TFIP11: variants seen among roughly 807,000 people sequenced by gnomAD.
TFIP11 encodes the protein tuftelin interacting protein 11.
A neutral mutation model predicts 96.8 loss-of-function variants in TFIP11; 86 were observed. That is an observed-to-expected ratio of 0.89 (90% CI 0.75 to 1.06). The LOEUF (loss-of-function observed/expected upper bound fraction) is 1.06, where lower values mean the gene tolerates loss of function less well. Among genes scored for constraint, TFIP11 ranks in the 50% least tolerant of loss-of-function variants. TFIP11 has a pLI of 0.00. For missense variants in TFIP11, 881 were observed against 1,076.7 expected, an observed-to-expected ratio of 0.82 and a Z score of 2.54; for synonymous variants, 405 against 395.2, an observed-to-expected ratio of 1.02 and a Z score of -0.29.
chr22:26,505,455 A>G (rs1443089425), intron 6 of TFIP11, among the ~76,000 whole-genome samples: 1 of 152,136 alleles, frequency 6.6e-6, no homozygotes, highest in Non-Finnish European at 1.5e-5. Flanking sequence ...ACAAAATTAA[A>G]ACCCTTGTGA....
Position 26,501,963 on chromosome 22 carries a change from C to CA in TFIP11, c.737dup (p.Leu246PhefsTer8), listed in dbSNP as rs1922851810. 1.2e-6 allele frequency: 2 copies of CA among 1,613,886 alleles called. No individual in the cohort carries two copies. ...TCTTGCTAATCCTGCCCTTGGCCTT[C>CA]AACTCTTCCACGGTCTTGTAAGAGT... On this transcript the variant is annotated frameshift_variant, in exon 8 of 15. Transcript: ENST00000407690. LOFTEE classifies it high-confidence loss of function.
chr22:26,506,217 G>A (rs1430782176), intron 6 of TFIP11, 86 bp downstream of exon 6: 29 of 1,421,024 alleles, frequency 2.0e-5, no homozygotes, highest in Non-Finnish European at 2.7e-5. Context: ...GCTTTTAAAA[G>A]GGAAAAGCAA....
In TFIP11 at chr22:26,496,753, C is replaced by T. The variant is rs748553174; in HGVS notation, c.1573G>A (p.Asp525Asn). Residue 525 changes from aspartate (D) to asparagine (N), a missense_variant, in exon 11 of 15, where the codon GAC becomes AAC. Transcript: ENST00000407690. ...TGCAGCTTGGGGAAGATGAGTTGGT[C>T]CAGTATGTTATCTAAGATCCACACA... is the stretch of plus-strand genomic sequence containing the variant. ...IPVWILDNIL[D>N]QLIFPKLQKE... The T allele has an allele frequency of 9.3e-6, 15 of 1,612,890 alleles. 1 individual carries two copies. The South Asian group carries it at 1.5e-4, about 17-fold the overall frequency.
chr22:26,502,192 G>A, intron 7 of TFIP11, 140 bp from the exon 8 acceptor site: 2 of 988,408 alleles, frequency 2.0e-6, no homozygotes, highest in Non-Finnish European at 3.0e-6. Context: ...AGGAAAGGAT[G>A]CACCTGCAAG....
chr22:26,493,813 T>C (rs1173450721), intron 14 of TFIP11: 2 of 290,996 alleles, frequency 6.9e-6, no homozygotes, highest in Non-Finnish European at 1.3e-5. Context: ...CTAAGCAGCA[T>C]GCTCAGGCAT....
chr22:26,503,568 CA>C, intron 7 of TFIP11, 97 bp downstream of exon 7: 1 of 1,488,880 alleles, frequency 6.7e-7, no homozygotes, highest in South Asian at 1.2e-5. Context: ...GGTACATGTA[CA>C]ATAAACATCT....
At position 26,491,578 on chromosome 22, in the gene TFIP11, A is replaced by G. The variant is rs941195752; in HGVS notation, c.*435T>C. ...CAAAAGCTAGAACAGCTCTCCATAG[A>G]TATTTGGGAGTTTCGGGAAGAACCA... On this transcript the variant is annotated 3_prime_UTR_variant, in exon 15 of 15. Transcript: ENST00000407690. 5.0e-6 allele frequency: 8 copies of G among 1,614,036 alleles called. No individual in the cohort carries two copies. Among genetic ancestry groups the G allele is most frequent in the Middle Eastern group, 1.6e-4 (1 of 6,084 alleles).
intron 13 of TFIP11, 69 bp downstream of exon 13, chr22:26,494,728 C>T (rs1921699341): frequency 6.2e-7 from 1 of 1,601,886 alleles, no homozygotes; most frequent in Non-Finnish European, 8.5e-7. Flanking sequence ...ACAGTCAGGC[C>T]TTGGCAGAAA....
chr22:26,497,653 G>A (rs1007746982), intron 10 of TFIP11, among the ~76,000 whole-genome samples: 1 of 152,172 alleles, frequency 6.6e-6, no homozygotes. Flanking sequence ...CAAGGCAGGC[G>A]GATCACGAGG....
intron 13 of TFIP11, 128 bp downstream of exon 13, chr22:26,494,669 C>T (rs1921692461): frequency 7.5e-7 from 1 of 1,333,746 alleles, no homozygotes. Context: ...GATGACCTAA[C>T]TCATTCCTAC....
rs1233822716 is a variant in TFIP11, at chr22:26,492,387, G to A, written c.2159-19C>T. ...TAGGCACCTAAGATACAGGAGGACA[G>A]GGCGGTGAGGAGAGGTGTTTCCAGG... is the stretch of plus-strand genomic sequence containing the variant. On this transcript the variant is annotated intron_variant, in intron 14 of 14. Transcript: ENST00000407690. 3.1e-6 allele frequency: 5 copies of A among 1,610,022 alleles called. No homozygotes were observed. Among genetic ancestry groups the A allele is most frequent in the African/African-American group, 1.3e-5 (1 of 74,858 alleles).
Position 26,491,532 on chromosome 22 carries a change from T to G in TFIP11, c.*481A>C, listed in dbSNP as rs753203410. On this transcript the variant is annotated 3_prime_UTR_variant, in exon 15 of 15. Transcript: ENST00000407690. ...ATACATGGACATATTTAATGATACC[T>G]CTGTCCACTGGTTCCCTGTGCAAAA... 1.2e-6 allele frequency: 2 copies of G among 1,614,172 alleles called. No individual in the cohort carries two copies. The highest frequency in any genetic ancestry group is 2.2e-5 in the South Asian group (2 of 91,082).
At chr22:26,495,020 G>GT in intron 12 of TFIP11, 81 bp from the exon 13 acceptor site, 1 of 1,575,884 alleles carries the variant, frequency 6.3e-7, no homozygotes. Context: ...GACAATGTCC[G>GT]TTTTCATCTC....
At chr22:26,501,074 G>A (rs1209338638) in intron 8 of TFIP11, among the ~76,000 whole-genome samples, 4 of 151,788 alleles carry the variant, frequency 2.6e-5, no homozygotes, top group African/African-American at 7.3e-5. Flanking sequence ...TAGTAGAGAC[G>A]GGGTTTCACC....
intron 6 of TFIP11, among the ~76,000 whole-genome samples, chr22:26,505,589 G>A (rs1462971009): frequency 1.3e-5 from 2 of 152,266 alleles, no homozygotes; most frequent in South Asian, 4.1e-4. Flanking sequence ...CCCAGGAGCA[G>A]TTCTCACTTG....
At chr22:26,509,864 T>A (rs775753485) in intron 4 of TFIP11, among the ~76,000 whole-genome samples, 200 bp downstream of exon 4, 8 of 151,758 alleles carry the variant, frequency 5.3e-5, no homozygotes, top group Non-Finnish European at 7.4e-5. Flanking sequence ...TCAAAAAAAA[T>A]AATAATAAAT....
chr22:26,501,097 G>T (rs569971242), intron 8 of TFIP11, among the ~76,000 whole-genome samples: 10 of 151,840 alleles, frequency 6.6e-5, no homozygotes, highest in African/African-American at 2.2e-4. Flanking sequence ...GTTACAGGAC[G>T]GTCTCGATCT....
chr22:26,491,404 A>G lies in TFIP11; in HGVS notation c.*609T>C. ...GACAAGTAAAGTGGAAATTTATCCC[A>G]GAAGAGTGGGGATTACTGTGACTAT... On this transcript the variant is annotated 3_prime_UTR_variant, in exon 15 of 15. Transcript: ENST00000407690. 1.5e-6 allele frequency: 2 copies of G among 1,310,626 alleles called. No individual in the cohort carries two copies. Among genetic ancestry groups the G allele is most frequent in the Non-Finnish European group, 2.2e-6 (2 of 929,880 alleles). 81.2% of individuals were successfully genotyped at this position (1,310,626 alleles called of 1,614,324 possible). A position where few individuals can be genotyped will look rare whatever the true frequency, so the allele number is the denominator to read the frequency against.
At position 26,501,961 on chromosome 22, in the gene TFIP11, T is replaced by G. The variant is rs752757045; in HGVS notation, c.740A>C (p.Lys247Thr). 1 of 1,613,890 alleles carries G rather than the reference T, an allele frequency of 6.2e-7. No homozygotes were observed. The highest frequency in any genetic ancestry group is 8.5e-7 in the Non-Finnish European group (1 of 1,179,974). ...KYSYKTVEEL[K>T]AKGRISKKLT... The stretch of plus-strand genomic sequence containing the variant: ...CTTCTTGCTAATCCTGCCCTTGGCC[T>G]TCAACTCTTCCACGGTCTTGTAAGA... Residue 247 changes from lysine (K) to threonine (T), a missense_variant, in exon 8 of 15, where the codon AAG (lysine) becomes ACG (threonine). By Grantham distance (78) the Lys-to-Thr change is moderately conservative. Coordinates refer to ENST00000407690, the MANE Select transcript of TFIP11 (RefSeq NM_012143.4).
Sources: allele counts gnomAD v4.1 joint callset (sites outside exome capture counted in the v4.1 genomes callset), GRCh38; gene constraint gnomAD v4.1.1; transcripts MANE v1.5; gene names NCBI Gene and HGNC (gene_info 2026-07-23, HGNC 2026-07-21).